Variants in ARL14EPL observed in about 807,000 individuals in gnomAD.
ARL14EPL encodes ARL14 effector protein-like.
In ARL14EPL, 17 loss-of-function variants were observed where a neutral mutation model predicts 15.9. The observed-to-expected ratio is 1.07, with a 90% CI of 0.73 to 1.60. The LOEUF (loss-of-function observed/expected upper bound fraction) is 1.60. ARL14EPL is among the 40% of genes most tolerant of loss of function. ARL14EPL has a pLI of 0.00. For synonymous variants in ARL14EPL, 78 were observed against 63.8 expected, an observed-to-expected ratio of 1.22 and a Z score of -1.06; for missense variants, 214 against 185.9, an observed-to-expected ratio of 1.15 and a Z score of -0.88.
intron 1 of ARL14EPL, among the ~76,000 whole-genome samples, chr5:116,033,936 G>C (rs577549879): frequency 1.3e-5 from 2 of 152,270 alleles, no homozygotes; most frequent in East Asian, 3.9e-4. Context: ...GAAATAGCAC[G>C]ATATAAAGGC....
chr5:116,049,317 A>G (rs1227351824), intron 1 of ARL14EPL, among the ~76,000 whole-genome samples: 1 of 152,210 alleles, frequency 6.6e-6, no homozygotes, highest in Non-Finnish European at 1.5e-5. Flanking sequence ...TCTGAGATTC[A>G]GAAGAAAATT....
intron 1 of ARL14EPL, among the ~76,000 whole-genome samples, chr5:116,046,721 A>C (rs1196457660): frequency 6.6e-6 from 1 of 152,212 alleles, no homozygotes; most frequent in Admixed American, 6.5e-5. Flanking sequence ...ATGCCTGGCT[A>C]TGTTGGGTTA....
intron 1 of ARL14EPL, among the ~76,000 whole-genome samples, chr5:116,043,946 T>G (rs72802793): frequency 6.6e-6 from 1 of 152,192 alleles, no homozygotes; most frequent in African/African-American, 2.4e-5. Context: ...AAGAATTTAC[T>G]GTGTAGGAAG....
chr5:116,049,455 A>G (rs941767739), intron 1 of ARL14EPL, among the ~76,000 whole-genome samples: 7 of 152,214 alleles, frequency 4.6e-5, no homozygotes, highest in African/African-American at 1.7e-4. Flanking sequence ...GATGGAGACA[A>G]AGTGTAATTA....
chr5:116,045,132 T>C (rs1749240912), intron 1 of ARL14EPL, among the ~76,000 whole-genome samples: 1 of 152,184 alleles, frequency 6.6e-6, no homozygotes, highest in South Asian at 2.1e-4. Context: ...CCACATCATG[T>C]AGATTCTGAA....
chr5:116,044,425 A>C (rs114563127), intron 1 of ARL14EPL, among the ~76,000 whole-genome samples: 1,839 of 152,204 alleles, frequency 0.012, 11 homozygotes, highest in Non-Finnish European at 0.017. Context: ...TCTTGGGAAA[A>C]CAGCTTTTAC....
intron 1 of ARL14EPL, among the ~76,000 whole-genome samples, chr5:116,041,989 C>T (rs773395272): frequency 4.0e-5 from 6 of 151,880 alleles, no homozygotes; most frequent in African/African-American, 7.3e-5. Flanking sequence ...CCACTATGCT[C>T]GGCTAATTTT....
intron 3 of ARL14EPL, among the ~76,000 whole-genome samples, chr5:116,056,184 A>G (rs1321834773): frequency 2.6e-5 from 4 of 151,962 alleles, no homozygotes; most frequent in African/African-American, 4.8e-5. Flanking sequence ...GGCTGGGTCA[A>G]ATGGTATTTC....
In ARL14EPL at chr5:116,053,618, C is replaced by G. The variant is rs368966838; in HGVS notation, c.97-396C>G. Among the ~76,000 whole-genome samples the G allele has an allele frequency of 2.6e-5, 4 of 152,138 alleles. No individual in the cohort carries two copies. The East Asian group carries it at 7.7e-4, about 29-fold the overall frequency. On this transcript the variant is annotated intron_variant, in intron 2 of 3. Transcript: ENST00000686077. ...TGGGTTCTCACTGTGGTTTGAGACA[C>G]TACATGGGCTTCTTTAGCTAACAGC... is the stretch of plus-strand genomic sequence containing the variant.
intron 1 of ARL14EPL, among the ~76,000 whole-genome samples, chr5:116,043,875 G>C (rs1192188759): frequency 1.3e-5 from 2 of 152,094 alleles, no homozygotes; most frequent in Non-Finnish European, 2.9e-5. Context: ...TGTTGCTGTA[G>C]TACATTAGCA....
At chr5:116,056,681 G>T (rs1283102284) in intron 3 of ARL14EPL, among the ~76,000 whole-genome samples, 3 of 152,196 alleles carry the variant, frequency 2.0e-5, no homozygotes, top group Non-Finnish European at 4.4e-5. Flanking sequence ...TTTGTCTTTT[G>T]TTGCCATTGC....
Position 116,057,475 on chromosome 5 carries a change from G to C in ARL14EPL, c.237-1250G>C, listed in dbSNP as rs530507642. Among the ~76,000 whole-genome samples, 89 of 151,722 alleles carry C rather than the reference G, an allele frequency of 5.9e-4. 1 individual carries two copies. Among genetic ancestry groups the C allele is most frequent in the African/African-American group, 2.1e-3 (88 of 41,358 alleles). Reference sequence around the variant, plus strand: ...ACCATAAAACCTTACCAACACAGGAGAATATTTGAGTTAAGGCAAAGGGAG... The same window carrying C: ...ACCATAAAACCTTACCAACACAGGACAATATTTGAGTTAAGGCAAAGGGAG... On this transcript the variant is annotated intron_variant, in intron 3 of 3. Coordinates refer to ENST00000686077, the MANE Select transcript of ARL14EPL (RefSeq NM_001195581.2).
intron 1 of ARL14EPL, among the ~76,000 whole-genome samples, chr5:116,033,174 C>T (rs1407791743): frequency 6.6e-6 from 1 of 152,150 alleles, no homozygotes; most frequent in Non-Finnish European, 1.5e-5. Flanking sequence ...ATATTACCAC[C>T]TCCTTTTACT....
At position 116,053,880 on chromosome 5, in the gene ARL14EPL, C is replaced by G. The variant is rs893121780; in HGVS notation, c.97-134C>G. ...CTTTTGAAACTTAATTAGATTAAAT[C>G]GTTTATGTCTTTGTGTAAAACATAT... is the stretch of plus-strand genomic sequence containing the variant. On this transcript the variant is annotated intron_variant, in intron 2 of 3. Coordinates refer to ENST00000686077, the MANE Select transcript of ARL14EPL (RefSeq NM_001195581.2). The G allele has an allele frequency of 3.2e-4, 209 of 660,624 alleles. No homozygotes were observed. In the African/African-American group the frequency reaches 3.6e-3, roughly 11 times the overall value. The allele number at this position is 660,624 out of a possible 1,614,324, so 40.9% of individuals were successfully genotyped here.
intron 2 of ARL14EPL, 108 bp downstream of exon 2, chr5:116,051,669 C>G (rs543399756): frequency 1.2e-5 from 11 of 937,538 alleles, no homozygotes; most frequent in Middle Eastern, 4.4e-4. Context: ...CAGGACCTCA[C>G]AGGGAGGAGC....
In ARL14EPL at chr5:116,035,872, C is replaced by A. The variant is rs1291527378; in HGVS notation, c.-10+3367C>A. 6.6e-5 allele frequency among the ~76,000 whole-genome samples: 10 copies of A among 152,192 alleles called. No homozygotes were observed. The East Asian group carries it at 1.2e-3, about 18-fold the overall frequency. The stretch of plus-strand genomic sequence containing the variant: ...GAGACTGAGGGAAGAATCCTGAGAA[C>A]TGGAATTCAACAGCCACTGCCGGAA... On this transcript the variant is annotated intron_variant, in intron 1 of 3. Transcript: ENST00000686077.
intron 1 of ARL14EPL, among the ~76,000 whole-genome samples, chr5:116,034,347 A>G (rs1471880560): frequency 6.6e-6 from 1 of 152,128 alleles, no homozygotes; most frequent in Non-Finnish European, 1.5e-5. Context: ...TCTTCCAGAA[A>G]GTGTTCCTTT....
At chr5:116,054,249 A>C (rs2662472) in intron 3 of ARL14EPL, 96 bp downstream of exon 3, 947,852 of 1,279,776 alleles carry the variant, frequency 0.74, 360,522 homozygotes, top group Non-Finnish European at 0.79. Context: ...TTTATTATTT[A>C]TTATTTAAAA....
chr5:116,052,615 C>T (rs13354172), intron 2 of ARL14EPL, among the ~76,000 whole-genome samples: 35 of 152,180 alleles, frequency 2.3e-4, no homozygotes, highest in African/African-American at 6.5e-4. Context: ...GTAATCGCTT[C>T]GTACTAAGTT....
Sources: gnomAD v4.1 joint callset for allele counts (sites outside exome capture counted in the v4.1 genomes callset) on GRCh38, gnomAD v4.1.1 for gene constraint, MANE v1.5 for transcripts, NCBI Gene and HGNC (gene_info 2026-07-23, HGNC 2026-07-21) for gene names.